TSEN54: variants seen among roughly 807,000 people sequenced by gnomAD.
TSEN54 encodes the protein tRNA-splicing endonuclease subunit Sen54.
A neutral mutation model predicts 61.9 loss-of-function variants in TSEN54; 55 were observed. The ratio of observed to expected loss-of-function variants is 0.89; its 90% CI spans 0.72 to 1.11. The LOEUF (loss-of-function observed/expected upper bound fraction) is 1.11. Among genes scored for constraint, TSEN54 ranks in the 50% most tolerant of loss-of-function variants. TSEN54 has a pLI of 0.00. For missense variants in TSEN54, 760 were observed against 687.7 expected, an observed-to-expected ratio of 1.11 and a Z score of -1.18; for synonymous variants, 304 against 288.7, an observed-to-expected ratio of 1.05 and a Z score of -0.54.
intron 5 of TSEN54, chr17:75,518,597 C>G: frequency 1.0e-6 from 1 of 985,390 alleles, no homozygotes; most frequent in Middle Eastern, 5.2e-4. Flanking sequence ...AACTTCCCAC[C>G]GGCATCTGTG....
At chr17:75,518,931 G>A in intron 5 of TSEN54, 64 bp from the exon 6 acceptor site, 3 of 1,608,830 alleles carry the variant, frequency 1.9e-6, no homozygotes, top group Non-Finnish European at 2.5e-6. Context: ...CCTGTGTCTG[G>A]AGAAACCATT....
Position 75,517,593 on chromosome 17 carries a change from T to C in TSEN54, c.406T>C (p.Ser136Pro). Residue 136 changes from serine to proline, a missense_variant, in exon 5 of 11, where the codon TCT becomes CCT. By Grantham distance (74) the Ser-to-Pro change is moderately conservative. Transcript: ENST00000333213. ...CCTCTTCCACCAAGACCTGCCACTGTCTATCCAGGAAGCTTACCAGCTGCT... is the reference window on the plus strand; with the variant it reads ...CCTCTTCCACCAAGACCTGCCACTGCCTATCCAGGAAGCTTACCAGCTGCT... The part of the protein sequence containing the change: ...IHLFHQDLPL[S>P]IQEAYQLLLT... 1.2e-6 allele frequency: 2 copies of C among 1,613,724 alleles called. No homozygotes were observed. The highest frequency in any genetic ancestry group is 1.7e-6 in the Non-Finnish European group (2 of 1,179,920).
chr17:75,520,579 C>CT (rs1174089260), intron 6 of TSEN54, among the ~76,000 whole-genome samples: 2 of 94,888 alleles, frequency 2.1e-5, no homozygotes, highest in South Asian at 3.0e-4. Flanking sequence ...AAGCGAAACT[C>CT]TATCTCAAAA....
Position 75,522,221 on chromosome 17 carries a change from G to A in TSEN54, c.1140G>A (p.Glu380=), listed in dbSNP as rs1239142578. 6.5e-7 allele frequency: 1 copy of A among 1,549,220 alleles called. No homozygotes were observed. The highest frequency in any genetic ancestry group is 8.7e-7 in the Non-Finnish European group (1 of 1,145,880). Residue 380 remains glutamate (E), a synonymous_variant, in exon 8 of 11, where the codon GAG becomes GAA. Transcript: ENST00000333213. ...PEVQRCSSWR[E]YKELLQRRQV... is the part of the protein sequence containing the mutation. ...TGCAGCGGTGCTCCAGCTGGCGGGA[G>A]TACAAGGAGCTGCTGCAGCGGCGGC...
chr17:75,517,466 G>A (rs1433080402), intron 4 of TSEN54, 91 bp from the exon 5 acceptor site: 2 of 1,257,912 alleles, frequency 1.6e-6, no homozygotes, highest in East Asian at 2.3e-5. Flanking sequence ...CTGAGAGGGG[G>A]AGGGGGAGGT....
intron 8 of TSEN54, 113 bp from the exon 9 acceptor site, chr17:75,523,160 CAG>C: frequency 1.5e-6 from 2 of 1,364,812 alleles, no homozygotes; most frequent in Non-Finnish European, 2.1e-6. Context: ...GCCTGGGTGA[CAG>C]AGTGAGACTC....
intron 8 of TSEN54, chr17:75,522,598 CTTTGCCA>C: frequency 7.5e-7 from 1 of 1,337,426 alleles, no homozygotes; most frequent in African/African-American, 1.5e-5. Context: ...ATGTGGATGG[CTTTGCCA>C]CCAACTAGCT....
rs781561461 is a variant in TSEN54 at position 75,523,314 on chromosome 17, A to G, written c.1292A>G (p.His431Arg). ...CATATCTCTGTGCTGCAGACAACAC[A>G]CCTTCCTGATGGAGGTGCCCGGTAA... ...LQHISVLQTT[H>R]LPDGGARLLE... Residue 431 changes from histidine to arginine, a missense_variant, in exon 9 of 11, where the codon CAC (histidine) becomes CGC (arginine). Physicochemically the swap from His to Arg is conservative, Grantham distance 29. Transcript: ENST00000333213. 7 of 1,614,038 alleles carry G rather than the reference A, an allele frequency of 4.3e-6. No individual in the cohort carries two copies. The highest frequency in any genetic ancestry group is 1.7e-5 in the Admixed American group (1 of 59,992).
intron 8 of TSEN54, chr17:75,522,978 C>T (rs540197605): frequency 1.3e-4 from 53 of 401,874 alleles, no homozygotes; most frequent in African/African-American, 6.6e-4. Flanking sequence ...GTCAGGAGTT[C>T]GAGACCAACC....
At chr17:75,518,657 A>G (rs1212827312) in intron 5 of TSEN54, 2 of 985,324 alleles carry the variant, frequency 2.0e-6, no homozygotes, top group Admixed American at 6.1e-5. Flanking sequence ...TTTTGTTCAC[A>G]TGGTGATCGG....
In TSEN54 at chr17:75,521,693, C is replaced by T. The variant is rs778136598; in HGVS notation, c.624-12C>T. On this transcript the variant is annotated splice_polypyrimidine_tract_variant and intron_variant, in intron 7 of 10. Coordinates refer to ENST00000333213, the MANE Select transcript of TSEN54 (RefSeq NM_207346.3). ...AGGGGCAGATGTGCTGCTTTTCCCCCACGTCCCTCAGGTCCATTAATAAGA... is the reference window on the plus strand; with the variant it reads ...AGGGGCAGATGTGCTGCTTTTCCCCTACGTCCCTCAGGTCCATTAATAAGA... 1.2e-6 allele frequency: 2 copies of T among 1,612,688 alleles called. No individual in the cohort carries two copies. The highest frequency in any genetic ancestry group is 3.3e-5 in the Admixed American group (2 of 59,980).
rs201826966 is a variant in TSEN54 at position 75,519,066 on chromosome 17, C to T, written c.521+19C>T. 288 of 1,613,674 alleles carry T rather than the reference C, an allele frequency of 1.8e-4. 1 individual carries two copies. The Middle Eastern group carries it at 6.4e-3, about 36-fold the overall frequency. ...AACCAAGGTAAATCCCCTTCCTGTT[C>T]CCCTTCCATATATTCTAGTCCTGGG... On this transcript the variant is annotated intron_variant, in intron 6 of 10. Transcript: ENST00000333213.
chr17:75,523,619 G>T, intron 9 of TSEN54, 44 bp from the exon 10 acceptor site: 1 of 1,613,994 alleles, frequency 6.2e-7, no homozygotes, highest in Non-Finnish European at 8.5e-7. Flanking sequence ...AAGAAAGGTT[G>T]GGGAGAAGAG....
rs763918138 is a variant in TSEN54, at chr17:75,523,374, C to T, written c.1313+39C>T. On this transcript the variant is annotated intron_variant, in intron 9 of 10. Transcript: ENST00000333213. Reference sequence around the variant, plus strand: ...CAGTGCCGTCTCTGCAGTACCTTGACCGCCAGGAGTTGGTGGTTAGGAACT... The same window carrying T: ...CAGTGCCGTCTCTGCAGTACCTTGATCGCCAGGAGTTGGTGGTTAGGAACT... 4 of 1,613,536 alleles carry T rather than the reference C, an allele frequency of 2.5e-6. No individual in the cohort carries two copies. The Admixed American group carries it at 5.0e-5, about 20-fold the overall frequency.
rs1568001050 is a variant in TSEN54, at chr17:75,517,158, C to T, written c.286-3C>T. 6.3e-7 allele frequency: 1 copy of T among 1,593,046 alleles called. No homozygotes were observed. The highest frequency in any genetic ancestry group is 1.7e-5 in the Admixed American group (1 of 58,470). On this transcript the variant is annotated splice_polypyrimidine_tract_variant and splice_region_variant and intron_variant, in intron 3 of 10. Transcript: ENST00000333213. ...TGTGACACTTGCTCTGGGCCCCACA[C>T]AGGGCAAATTCTGGCAGACCATGGG...
chr17:75,524,398 G>C lies in TSEN54; in HGVS notation c.1567G>C (p.Asp523His). ...CTTCAGGGACTTCACGTTGCCCCAG[G>C]ATGTGGGGCACTGACCTCACAGCTC... ...YSFRDFTLPQ[D>H]VGH The change falls in exon 11 of 11, where the codon GAT becomes CAT. Residue 523 changes from aspartate to histidine, a missense_variant. Asp to His is a moderately conservative substitution (Grantham distance 81). Transcript: ENST00000333213. 6.2e-7 allele frequency: 1 copy of C among 1,614,152 alleles called. No homozygotes were observed. Among genetic ancestry groups the C allele is most frequent in the Admixed American group, 1.7e-5 (1 of 60,034 alleles).
At position 75,516,904 on chromosome 17, in the gene TSEN54, A is replaced by C. The variant is rs1349865953; in HGVS notation, c.215A>C (p.Glu72Ala). The C allele has an allele frequency of 6.5e-7, 1 of 1,544,540 alleles. No homozygotes were observed. The change falls in exon 2 of 11, where the codon GAG becomes GCG. Residue 72 changes from glutamate to alanine, a missense_variant. This residue lies in a region of TSEN54 where 667 missense variants were observed against 577.8 expected (regional missense o/e 1.15). Coordinates refer to ENST00000333213, the MANE Select transcript of TSEN54 (RefSeq NM_207346.3). ...CAGCTGCTGGCAGAGCAGCGCGTGG[A>C]GCGCCTGTGAGAGGGGCGGGCCCAG... ...LWQLLAEQRV[E>A]RLGSLVAAEW...
At chr17:75,521,202 TG>T (rs2053423563) in intron 6 of TSEN54, among the ~76,000 whole-genome samples, 1 of 152,280 alleles carries the variant, frequency 6.6e-6, no homozygotes, top group Non-Finnish European at 1.5e-5. Context: ...CTAGCTCCTC[TG>T]GGCCATTGCC....
intron 6 of TSEN54, among the ~76,000 whole-genome samples, chr17:75,519,864 C>T (rs759734316): frequency 1.9e-4 from 29 of 152,238 alleles, no homozygotes; most frequent in Non-Finnish European, 3.5e-4. Flanking sequence ...TGAGTCACCA[C>T]GCCCAGCTCT....
Sources: gnomAD v4.1 joint callset for allele counts (sites outside exome capture counted in the v4.1 genomes callset) on GRCh38, gnomAD v4.1.1 for gene constraint, gnomAD v4.1.1 regional missense constraint, MANE v1.5 for transcripts, NCBI Gene and HGNC (gene_info 2026-07-23, HGNC 2026-07-21) for gene names.